The following STX3 variants were observed in gnomAD, a reference collection of about 807,000 sequenced individuals.
STX3 encodes the protein syntaxin-3.
STX3 carries 19 observed loss-of-function variants against 40.2 expected under a neutral mutation model. The observed-to-expected ratio is 0.47, with a 90% CI of 0.33 to 0.69. STX3 has a LOEUF of 0.69. STX3 is among the 30% of genes least tolerant of loss of function. STX3 has a pLI of 0.02. For synonymous variants in STX3, 122 were observed against 132.2 expected, an observed-to-expected ratio of 0.92 and a Z score of 0.53; for missense variants, 364 against 366.7, an observed-to-expected ratio of 0.99 and a Z score of 0.06.
intron 1 of STX3, among the ~76,000 whole-genome samples, chr11:59,771,308 G>T (rs953935493): frequency 2.6e-5 from 4 of 151,976 alleles, no homozygotes; most frequent in Admixed American, 2.6e-4. Flanking sequence ...GGCCCAGGAG[G>T]TTGAAGGTGG....
In STX3 at chr11:59,793,429, G is replaced by A. The variant is rs368588524; in HGVS notation, c.590G>A (p.Arg197Gln). The change falls in exon 8 of 11, where the codon CGA (arginine) becomes CAA (glutamine). Residue 197 changes from arginine (R) to glutamine (Q), a missense_variant. Transcript: ENST00000337979. Reference sequence around the variant, plus strand: ...CAAGCCCTCAGTGAGATTGAGGGACGACACAAGGACATTGTGAGGCTGGAG... The same window carrying A: ...CAAGCCCTCAGTGAGATTGAGGGACAACACAAGGACATTGTGAGGCTGGAG... Reference protein sequence around the residue: ...SKQALSEIEGRHKDIVRLESS... With the variant: ...SKQALSEIEGQHKDIVRLESS... 4 of 1,614,026 alleles carry A rather than the reference G, an allele frequency of 2.5e-6. No homozygotes were observed. The highest frequency in any genetic ancestry group is 3.4e-6 in the Non-Finnish European group (4 of 1,180,030).
intron 2 of STX3, among the ~76,000 whole-genome samples, chr11:59,773,867 G>GTCCACTTTTCAA (rs1863796388): frequency 6.6e-6 from 1 of 151,684 alleles, no homozygotes; most frequent in African/African-American, 2.4e-5. Flanking sequence ...CTACTTGGGA[G>GTCCACTTTTCAA]GCTGAGGCAA....
At chr11:59,793,076 G>A (rs771020422) in intron 6 of STX3, 23 bp from the exon 7 acceptor site, 18 of 1,611,034 alleles carry the variant, frequency 1.1e-5, no homozygotes, top group African/African-American at 2.7e-5. Flanking sequence ...TATATTTGAC[G>A]CTCTACTTCT....
In STX3 at chr11:59,755,649, CAGGCGGGG is replaced by C. The variant is rs1364454924; in HGVS notation, c.30+15_30+22del. On this transcript the variant is annotated intron_variant, in intron 1 of 10. Transcript: ENST00000337979. ...CAGCTGAAGGCCGTGAGTTTCGCCGCAGGCGGGGTGCTGCCAGGAGGGGTGCTGCATGG... is the reference window on the plus strand; with the variant it reads ...CAGCTGAAGGCCGTGAGTTTCGCCGCTGCTGCCAGGAGGGGTGCTGCATGG... 2.5e-6 allele frequency: 4 copies of C among 1,591,810 alleles called. No homozygotes were observed. In the South Asian group the frequency reaches 4.4e-5, roughly 18 times the overall value.
chr11:59,775,322 C>T (rs1863903286), intron 2 of STX3, among the ~76,000 whole-genome samples: 3 of 152,116 alleles, frequency 2.0e-5, no homozygotes, highest in African/African-American at 7.2e-5. Context: ...AATTGTGGAT[C>T]GTGGAAGGAC....
intron 1 of STX3, among the ~76,000 whole-genome samples, chr11:59,761,960 G>C (rs939147019): frequency 1.3e-5 from 2 of 152,034 alleles, no homozygotes; most frequent in African/African-American, 4.8e-5. Flanking sequence ...TGTACACTTA[G>C]CAAAACTAAG....
At chr11:59,779,732 T>A (rs1349257284) in intron 2 of STX3, among the ~76,000 whole-genome samples, 1 of 151,386 alleles carries the variant, frequency 6.6e-6, no homozygotes, top group African/African-American at 2.4e-5. Context: ...GAAGTTAGGG[T>A]GGATAAATTG....
intron 3 of STX3, among the ~76,000 whole-genome samples, chr11:59,787,737 G>A (rs988666563): frequency 2.0e-5 from 3 of 152,146 alleles, no homozygotes; most frequent in Admixed American, 1.3e-4. Flanking sequence ...TAGCTGAAGC[G>A]CTGAAAGAAA....
intron 4 of STX3, 170 bp downstream of exon 4, chr11:59,789,117 A>G (rs1180736061): frequency 1.8e-6 from 1 of 556,546 alleles, no homozygotes; most frequent in African/African-American, 1.9e-5. Flanking sequence ...AGCCCCAGAA[A>G]TTTACCTTTT....
At chr11:59,780,965 T>A (rs1590792153) in intron 2 of STX3, among the ~76,000 whole-genome samples, 1 of 152,198 alleles carries the variant, frequency 6.6e-6, no homozygotes, top group African/African-American at 2.4e-5. Flanking sequence ...TTTCTTTTCA[T>A]TCATAAAAGG....
chr11:59,789,028 A>T, intron 4 of STX3, 81 bp downstream of exon 4: 1 of 1,285,774 alleles, frequency 7.8e-7, no homozygotes, highest in Non-Finnish European at 1.1e-6. Flanking sequence ...TCCGAACTGA[A>T]ACTCCTCTTG....
intron 1 of STX3, among the ~76,000 whole-genome samples, chr11:59,768,589 A>C (rs515974): frequency 0.012 from 1,778 of 152,326 alleles, 37 homozygotes; most frequent in African/African-American, 0.04. Flanking sequence ...TGCAGAAGAC[A>C]TGAGGAGATC....
At chr11:59,790,402 C>T (rs371503222) in intron 4 of STX3, 117 bp from the exon 5 acceptor site, 3 of 772,672 alleles carry the variant, frequency 3.9e-6, no homozygotes, top group Middle Eastern at 2.5e-4. Context: ...GAGGTGACAC[C>T]TACCTGTTAC....
intron 10 of STX3, chr11:59,799,652 C>T (rs962833141): frequency 8.9e-5 from 88 of 985,250 alleles, no homozygotes; most frequent in Admixed American, 5.5e-4. Context: ...CAGAGCTGTG[C>T]CTTCCTTTTA....
In STX3 at chr11:59,801,838, A is replaced by G. The variant is rs1458429677; in HGVS notation, c.*1014A>G. Reference sequence around the variant, plus strand: ...TTATGACCTCAAAAAAAAAAAGCCAACTTTGAGCTAGGATAAAAATTGGGT... The same window carrying G: ...TTATGACCTCAAAAAAAAAAAGCCAGCTTTGAGCTAGGATAAAAATTGGGT... On this transcript the variant is annotated 3_prime_UTR_variant, in exon 11 of 11. Coordinates refer to ENST00000337979, the MANE Select transcript of STX3 (RefSeq NM_004177.5). 9.1e-6 allele frequency: 9 copies of G among 985,564 alleles called. No individual in the cohort carries two copies. The Admixed American group carries it at 3.1e-4, about 34-fold the overall frequency. 61.1% of individuals were successfully genotyped at this position (985,564 alleles called of 1,614,324 possible). A position where few individuals can be genotyped will look rare whatever the true frequency, so the allele number is the denominator to read the frequency against.
intron 1 of STX3, among the ~76,000 whole-genome samples, chr11:59,759,204 A>T (rs2134853678): frequency 6.6e-6 from 1 of 152,370 alleles, no homozygotes; most frequent in Non-Finnish European, 1.5e-5. Flanking sequence ...TGCAAAGCAG[A>T]GTGGGTTTTT....
chr11:59,793,257 G>C, intron 7 of STX3, 85 bp downstream of exon 7: 2 of 1,607,136 alleles, frequency 1.2e-6, no homozygotes, highest in East Asian at 4.5e-5. Context: ...GCAGGTGGAG[G>C]GGGAGCTGCA....
intron 10 of STX3, among the ~76,000 whole-genome samples, chr11:59,797,922 G>A (rs1865617375): frequency 6.6e-6 from 1 of 152,208 alleles, no homozygotes; most frequent in African/African-American, 2.4e-5. Context: ...ACCAGACAAT[G>A]TACTAAACAC....
chr11:59,771,403 T>TC (rs1367914976), intron 1 of STX3, among the ~76,000 whole-genome samples: 652 of 34,618 alleles, frequency 0.019, 8 homozygotes, highest in East Asian at 0.12. Flanking sequence ...TCCCCCCACC[T>TC]CCCCCCCCCC....
Sources: gnomAD v4.1 joint callset for allele counts (sites outside exome capture counted in the v4.1 genomes callset) on GRCh38, gnomAD v4.1.1 for gene constraint, MANE v1.5 for transcripts, NCBI Gene and HGNC (gene_info 2026-07-23, HGNC 2026-07-21) for gene names.